SPEM1: variants seen among roughly 807,000 people sequenced by gnomAD.
SPEM1 encodes the protein spermatid maturation 1.
In SPEM1, 10 loss-of-function variants were observed where a neutral mutation model predicts 9.0. That is an observed-to-expected ratio of 1.11 (90% confidence interval 0.68 to 1.88). SPEM1 has a LOEUF of 1.88. Among genes scored for constraint, SPEM1 ranks in the 40% most tolerant of loss-of-function variants. The pLI is 0.00. For missense variants in SPEM1, 401 were observed against 408.6 expected (o/e 0.98, Z 0.16); for synonymous variants, 175 against 157.8 (o/e 1.11, Z -0.82).
chr17:7,421,281 C>G lies in SPEM1; in HGVS notation c.606C>G (p.Ala202=). The change falls in exon 3 of 3, where the codon GCC becomes GCG. Residue 202 remains alanine (A), a synonymous_variant. Transcript: ENST00000323675. The surrounding 1 kb of genome is among the most constrained non-coding windows in gnomAD (Gnocchi z 4.8). ...TATGGTCCGAGCTGGGCCTAAGGGC[C>G]TATGTGTATCCTGTGAACCCCCCAC... The part of the protein sequence containing the change: ...TGIWSELGLR[A]YVYPVNPPPP... 1 of 1,614,166 alleles carries G rather than the reference C, an allele frequency of 6.2e-7. No individual in the cohort carries two copies. The highest frequency in any genetic ancestry group is 1.1e-5 in the South Asian group (1 of 91,092).
chr17:7,420,787 CA>C, intron 2 of SPEM1, 93 bp from the exon 3 acceptor site: 1 of 1,601,876 alleles, frequency 6.2e-7, no homozygotes, highest in East Asian at 2.2e-5. Flanking sequence ...CCCTCTCAGA[CA>C]ACATAGCTGT....
chr17:7,421,441 T>C lies in SPEM1; in HGVS notation c.766T>C (p.Ser256Pro). 4.3e-6 allele frequency: 7 copies of C among 1,610,082 alleles called. No individual in the cohort carries two copies. Among genetic ancestry groups the C allele is most frequent in the Non-Finnish European group, 5.1e-6 (6 of 1,177,484 alleles). ...CATCCCTGAATTTTCCCGGCACCGC[T>C]CCTCAGGCCGAATAGTGTATGATGC... Reference protein sequence around the residue: ...AVIPEFSRHRSSGRIVYDARD... With the variant: ...AVIPEFSRHRPSGRIVYDARD... The change falls in exon 3 of 3, where the codon TCC (serine) becomes CCC (proline). Residue 256 changes from serine (S) to proline (P), a missense_variant. Physicochemically the swap from Ser to Pro is moderately conservative, Grantham distance 74 (BLOSUM62 -1). Transcript: ENST00000323675. This position sits in a 1 kb window ranked among gnomAD's most constrained non-coding sequence, Gnocchi z 4.8.
At chr17:7,420,566 A>G (rs1389642856) in intron 1 of SPEM1, 38 bp downstream of exon 1, 1 of 1,613,894 alleles carries the variant, frequency 6.2e-7, no homozygotes, top group Admixed American at 1.7e-5. Flanking sequence ...CTGGTGGGAT[A>G]GTGGGGGGCA....
In SPEM1 at chr17:7,421,331, A is replaced by G. The variant is rs1298036631; in HGVS notation, c.656A>G (p.His219Arg). 6.2e-7 allele frequency: 1 copy of G among 1,613,958 alleles called. No individual in the cohort carries two copies. The highest frequency in any genetic ancestry group is 1.3e-5 in the African/African-American group (1 of 74,940). The change falls in exon 3 of 3, where the codon CAC becomes CGC. Residue 219 changes from histidine to arginine, a missense_variant. Transcript: ENST00000323675. The surrounding 1 kb of genome is among the most constrained non-coding windows in gnomAD (Gnocchi z 4.8). ...CCTCCCAGCCCTGAGGCTCCTAGCC[A>G]CAAGAACGGTGGGGAGGGGGCGGTG... ...PPPPSPEAPS[H>R]KNGGEGAVPE...
rs1176180250 is a variant in SPEM1, at chr17:7,421,476, G to A, written c.801G>A (p.Met267Ile). The part of the protein sequence containing the change: ...SGRIVYDARD[M>I]RRRLRELTRE... ...GAATAGTGTATGATGCCCGGGACAT[G>A]AGACGGCGGCTTCGGGAACTGACCC... The change falls in exon 3 of 3, where the codon ATG (methionine) becomes ATA (isoleucine). Residue 267 changes from methionine (M) to isoleucine (I), a missense_variant. Transcript: ENST00000323675. The surrounding 1 kb of genome is among the most constrained non-coding windows in gnomAD (Gnocchi z 4.8). 6.8e-6 allele frequency: 11 copies of A among 1,611,846 alleles called. No individual in the cohort carries two copies. Among genetic ancestry groups the A allele is most frequent in the African/African-American group, 1.3e-5 (1 of 74,932 alleles).
chr17:7,421,338 C>G lies in SPEM1; in HGVS notation c.663C>G (p.Asn221Lys), dbSNP rs761535183. 2 of 1,613,974 alleles carry G rather than the reference C, an allele frequency of 1.2e-6. No homozygotes were observed. The highest frequency in any genetic ancestry group is 1.1e-5 in the South Asian group (1 of 91,058). ...PPSPEAPSHK[N>K]GGEGAVPEAE... is the part of the protein sequence containing the mutation. ...GCCCTGAGGCTCCTAGCCACAAGAA[C>G]GGTGGGGAGGGGGCGGTGCCAGAGG... Residue 221 changes from asparagine to lysine, a missense_variant, in exon 3 of 3, where the codon AAC becomes AAG. By Grantham distance (94) the Asn-to-Lys change is moderately conservative. Coordinates refer to ENST00000323675, the MANE Select transcript of SPEM1 (RefSeq NM_199339.3). The surrounding 1 kb of genome is among the most constrained non-coding windows in gnomAD (Gnocchi z 4.8).
In SPEM1 at chr17:7,421,398, C is replaced by G. The variant is rs746287189; in HGVS notation, c.723C>G (p.Pro241=). The change falls in exon 3 of 3, where the codon CCC becomes CCG. Residue 241 remains proline, a synonymous_variant. Transcript: ENST00000323675. This position sits in a 1 kb window ranked among gnomAD's most constrained non-coding sequence, Gnocchi z 4.8. ...CTCAGTACCAGCCTGTCCCAGCTCC[C>G]ACCCTGGGCCCAGCAGTCATCCCTG... ...EAAQYQPVPA[P]TLGPAVIPEF... The G allele has an allele frequency of 1.9e-6, 3 of 1,607,320 alleles. No homozygotes were observed. In the East Asian group the frequency reaches 6.7e-5, roughly 36 times the overall value.
In SPEM1 at chr17:7,421,037, G is replaced by A. The variant is rs1229095893; in HGVS notation, c.362G>A (p.Cys121Tyr). ...RHRRRGSPTRCAHCPVAWAPD... is the reference protein window; with the variant it reads ...RHRRRGSPTRYAHCPVAWAPD... Reference sequence around the variant, plus strand: ...CGCCGTCGAGGCTCTCCCACACGCTGTGCTCACTGCCCAGTAGCTTGGGCT... The same window carrying A: ...CGCCGTCGAGGCTCTCCCACACGCTATGCTCACTGCCCAGTAGCTTGGGCT... The change falls in exon 3 of 3, where the codon TGT becomes TAT. Residue 121 changes from cysteine (C) to tyrosine (Y), a missense_variant. Transcript: ENST00000323675. The surrounding 1 kb of genome is among the most constrained non-coding windows in gnomAD (Gnocchi z 4.8). 5.6e-6 allele frequency: 9 copies of A among 1,614,032 alleles called. No homozygotes were observed. Among genetic ancestry groups the A allele is most frequent in the Admixed American group, 3.3e-5 (2 of 60,008 alleles).
rs757095607 is a variant in SPEM1 at position 7,421,145 on chromosome 17, T to A, written c.470T>A (p.Phe157Tyr). Residue 157 changes from phenylalanine (F) to tyrosine (Y), a missense_variant, in exon 3 of 3, where the codon TTC (phenylalanine) becomes TAC (tyrosine). Physicochemically the swap from Phe to Tyr is conservative, Grantham distance 22. Transcript: ENST00000323675. The surrounding 1 kb of genome is among the most constrained non-coding windows in gnomAD (Gnocchi z 4.8). ...HWDVPEDWEG[F>Y]QHTQGTWVPW... ...GATGTCCCTGAGGACTGGGAAGGCT[T>A]CCAACACACTCAGGGGACCTGGGTT... is the stretch of plus-strand genomic sequence containing the variant. The A allele has an allele frequency of 2.3e-5, 37 of 1,613,996 alleles. No homozygotes were observed. The highest frequency in any genetic ancestry group is 2.3e-5 in the Non-Finnish European group (27 of 1,179,940).
Position 7,420,352 on chromosome 17 carries a change from G to C in SPEM1, c.-33G>C. ...GGACACTGTCGGCACGGTGGGCTGG[G>C]GGCGTAAGGGCCCCGGTGGTCCTAG... is the stretch of plus-strand genomic sequence containing the variant. On this transcript the variant is annotated 5_prime_UTR_variant, in exon 1 of 3. Coordinates refer to ENST00000323675, the MANE Select transcript of SPEM1 (RefSeq NM_199339.3). 6.8e-7 allele frequency: 1 copy of C among 1,473,328 alleles called. No individual in the cohort carries two copies. Among genetic ancestry groups the C allele is most frequent in the Non-Finnish European group, 9.0e-7 (1 of 1,112,234 alleles). 91.3% of individuals were successfully genotyped at this position (1,473,328 alleles called of 1,614,324 possible).
Position 7,420,906 on chromosome 17 carries a change from A to T in SPEM1, c.231A>T (p.Arg77Ser), listed in dbSNP as rs1907368246. The change falls in exon 3 of 3, where the codon AGA becomes AGT. Residue 77 changes from arginine to serine, a missense_variant. By Grantham distance (110) the Arg-to-Ser change is moderately radical. Transcript: ENST00000323675. ...EKEAPKSSLL[R>S]KQTQPPKKQS... Reference sequence around the variant, plus strand: ...AAGCTCCCAAGTCATCATTACTCAGAAAGCAGACCCAGCCCCCTAAGAAGC... The same window carrying T: ...AAGCTCCCAAGTCATCATTACTCAGTAAGCAGACCCAGCCCCCTAAGAAGC... 6.2e-7 allele frequency: 1 copy of T among 1,613,786 alleles called. No homozygotes were observed. The highest frequency in any genetic ancestry group is 1.7e-5 in the Admixed American group (1 of 59,980).
At chr17:7,420,806 C>T (rs1907361934) in intron 2 of SPEM1, 75 bp from the exon 3 acceptor site, 2 of 1,600,758 alleles carry the variant, frequency 1.2e-6, no homozygotes, top group Admixed American at 1.7e-5. Flanking sequence ...TGTGTGGCTG[C>T]CCTTCCTGGG....
Position 7,420,684 on chromosome 17 carries a change from A to G in SPEM1, c.202A>G (p.Lys68Glu). The G allele has an allele frequency of 6.2e-7, 1 of 1,613,954 alleles. No individual in the cohort carries two copies. Among genetic ancestry groups the G allele is most frequent in the Non-Finnish European group, 8.5e-7 (1 of 1,179,974 alleles). ...YQVFHDTICE[K>E]EAPKSSLLRK... ...AGTGTTCCATGATACCATTTGTGAG[A>G]AAGGTAAGAGGTCTGGGGGCTGGGA... The change falls in exon 2 of 3, where the codon AAA becomes GAA. Residue 68 changes from lysine (K) to glutamate (E), a missense_variant. Lys to Glu is a moderately conservative substitution (Grantham distance 56, BLOSUM62 1). Coordinates refer to ENST00000323675, the MANE Select transcript of SPEM1 (RefSeq NM_199339.3).
At position 7,420,371 on chromosome 17, in the gene SPEM1, G is replaced by C; in HGVS notation, c.-14G>C. ...GGCTGGGGGCGTAAGGGCCCCGGTG[G>C]TCCTAGGGACCCCATGGCCATGGTT... is the stretch of plus-strand genomic sequence containing the variant. On this transcript the variant is annotated 5_prime_UTR_variant, in exon 1 of 3. Coordinates refer to ENST00000323675, the MANE Select transcript of SPEM1 (RefSeq NM_199339.3). The C allele has an allele frequency of 6.7e-7, 1 of 1,496,748 alleles. No individual in the cohort carries two copies. 92.7% of individuals were successfully genotyped at this position (1,496,748 alleles called of 1,614,324 possible).
chr17:7,420,602 G>A (rs1907351897), intron 1 of SPEM1, 25 bp from the exon 2 acceptor site: 6 of 1,614,028 alleles, frequency 3.7e-6, no homozygotes, highest in East Asian at 2.2e-5. Flanking sequence ...GCCTACCTGG[G>A]ATCACTGTGT....
At chr17:7,420,780 T>A (rs771926935) in intron 2 of SPEM1, 93 bp downstream of exon 2, 2 of 1,602,690 alleles carry the variant, frequency 1.2e-6, no homozygotes, top group South Asian at 2.2e-5. Context: ...TGCTCGCCCC[T>A]CTCAGACAAC....
chr17:7,421,482 G>A lies in SPEM1; in HGVS notation c.807G>A (p.Arg269=), dbSNP rs1251922240. ...TGTATGATGCCCGGGACATGAGACG[G>A]CGGCTTCGGGAACTGACCCGGGAGG... is the stretch of plus-strand genomic sequence containing the variant. ...RIVYDARDMR[R]RLRELTREVE... is the part of the protein sequence containing the mutation. The change falls in exon 3 of 3, where the codon CGG becomes CGA. Residue 269 remains arginine (R), a synonymous_variant. Transcript: ENST00000323675. This position sits in a 1 kb window ranked among gnomAD's most constrained non-coding sequence, Gnocchi z 4.8. 1 of 1,611,462 alleles carries A rather than the reference G, an allele frequency of 6.2e-7. No individual in the cohort carries two copies. The highest frequency in any genetic ancestry group is 8.5e-7 in the Non-Finnish European group (1 of 1,179,316).
At chr17:7,420,765 C>G in intron 2 of SPEM1, 78 bp downstream of exon 2, 6 of 1,604,288 alleles carry the variant, frequency 3.7e-6, no homozygotes, top group Non-Finnish European at 5.1e-6. Flanking sequence ...AGCCCCTTCC[C>G]TTCTTGCTCG....
rs777425383 is a variant in SPEM1, at chr17:7,421,579, G to A, written c.904G>A (p.Val302Met). Residue 302 changes from valine to methionine, a missense_variant, in exon 3 of 3, where the codon GTG (valine) becomes ATG (methionine). Coordinates refer to ENST00000323675, the MANE Select transcript of SPEM1 (RefSeq NM_199339.3). This position sits in a 1 kb window ranked among gnomAD's most constrained non-coding sequence, Gnocchi z 4.8. ...TGCCGAGGAGACAAGCAAGAATTGG[G>A]TGTACCGTTCCCTAACTGGGAGGTG... ...STAEETSKNWVYRSLTGR is the reference protein window; with the variant it reads ...STAEETSKNWMYRSLTGR The A allele has an allele frequency of 6.6e-7, 1 of 1,524,774 alleles. No homozygotes were observed. Among genetic ancestry groups the A allele is most frequent in the Non-Finnish European group, 8.8e-7 (1 of 1,141,298 alleles). 94.5% of individuals were successfully genotyped at this position (1,524,774 alleles called of 1,614,324 possible).
Sources: gnomAD v4.1 joint callset for allele counts on GRCh38, gnomAD v4.1.1 for gene constraint, Gnocchi (gnomAD v3.1) non-coding constraint, MANE v1.5 for transcripts, NCBI Gene and HGNC (gene_info 2026-07-23, HGNC 2026-07-21) for gene names.